The following GPR132 variants were observed in gnomAD, a reference collection of about 807,000 sequenced individuals.
GPR132 encodes G protein-coupled receptor 132, also known as probable G protein-coupled receptor 132.
Under a neutral mutation model 1.9 loss-of-function variants are expected in GPR132, and 4 were observed. The ratio of observed to expected loss-of-function variants is 2.13; its 90% confidence interval spans 1.05 to 4.87. The LOEUF is 4.87. Ranked by LOEUF, GPR132 falls within the 30% of genes most tolerant of loss-of-function variation. The pLI is 0.01. For missense variants in GPR132, 404 were observed against 512.5 expected (o/e 0.79, Z 2.04); for synonymous variants, 233 against 234.2 (o/e 0.99, Z 0.05).
Position 105,055,451 on chromosome 14 carries a change from C to T in GPR132, c.-31G>A, listed in dbSNP as rs780244973. ...TTCTTCTGCAACCATCGCCAGCATC[C>T]GTCGGCAGAACCTTCTCATCTTCCC... On this transcript the variant is annotated 5_prime_UTR_variant, in exon 3 of 4. Transcript: ENST00000329797. This position sits in a 1 kb window ranked among gnomAD's most constrained non-coding sequence, Gnocchi z 4.7. 3 of 780,048 alleles carry T rather than the reference C, an allele frequency of 3.8e-6. No individual in the cohort carries two copies. Among genetic ancestry groups the T allele is most frequent in the Non-Finnish European group, 7.2e-6 (3 of 417,340 alleles). The allele number at this position is 780,048 out of a possible 1,614,324, so 48.3% of individuals were successfully genotyped here. A position where few individuals can be genotyped will look rare whatever the true frequency, so the allele number is the denominator to read the frequency against.
rs1886916028 is a variant in GPR132, at chr14:105,060,630, C to G, written c.-860-3350G>C. Reference sequence around the variant, plus strand: ...CAGGAGTGAGCACATGGAGCCACTGCCTGAGGCCCCTGGGCCCCATCAGAA... The same window carrying G: ...CAGGAGTGAGCACATGGAGCCACTGGCTGAGGCCCCTGGGCCCCATCAGAA... On this transcript the variant is annotated intron_variant, in intron 1 of 3. Coordinates refer to ENST00000329797, the MANE Select transcript of GPR132 (RefSeq NM_013345.4). This position sits in a 1 kb window ranked among gnomAD's most constrained non-coding sequence, Gnocchi z 6.3. Among the ~76,000 whole-genome samples the G allele has an allele frequency of 6.6e-6, 1 of 152,234 alleles. No homozygotes were observed. Among genetic ancestry groups the G allele is most frequent in the Non-Finnish European group, 1.5e-5 (1 of 68,030 alleles).
intron 1 of GPR132, among the ~76,000 whole-genome samples, chr14:105,058,235 C>G (rs1024008658): frequency 6.6e-6 from 1 of 152,042 alleles, no homozygotes; most frequent in African/African-American, 2.4e-5. Context: ...ATGGTGCACA[C>G]GTGTAGTCCC....
intron 3 of GPR132, among the ~76,000 whole-genome samples, chr14:105,052,813 G>C (rs1355334635): frequency 6.6e-6 from 1 of 151,680 alleles, no homozygotes; most frequent in Non-Finnish European, 1.5e-5. Context: ...AAAACAAATA[G>C]TTGGGCGTGC....
chr14:105,053,952 G>A lies in GPR132; in HGVS notation c.34+1435C>T, dbSNP rs1171121010. ...ACCTGCCTCAAACACAGCTCTCCGA[G>A]GTCAGAAACTCATCCTTTCCAGCCA... On this transcript the variant is annotated intron_variant, in intron 3 of 3. Transcript: ENST00000329797. 6 of 1,198,542 alleles carry A rather than the reference G, an allele frequency of 5.0e-6. No homozygotes were observed. In the South Asian group the frequency reaches 7.3e-5, roughly 15 times the overall value. The allele number at this position is 1,198,542 out of a possible 1,614,324, so 74.2% of individuals were successfully genotyped here. A position where few individuals can be genotyped will look rare whatever the true frequency, so the allele number is the denominator to read the frequency against.
rs960479934 is a variant in GPR132 at position 105,055,625 on chromosome 14, G to T, written c.-205C>A. Reference sequence around the variant, plus strand: ...GCGTGTCTTCAGCGTGTGTCCTTCCGTGTCTCACGTGCTCCACTCACCACA... The same window carrying T: ...GCGTGTCTTCAGCGTGTGTCCTTCCTTGTCTCACGTGCTCCACTCACCACA... On this transcript the variant is annotated 5_prime_UTR_variant, in exon 3 of 4. Transcript: ENST00000329797. This position sits in a 1 kb window ranked among gnomAD's most constrained non-coding sequence, Gnocchi z 4.7. The T allele has an allele frequency of 1.6e-6, 1 of 610,938 alleles. No individual in the cohort carries two copies. Among genetic ancestry groups the T allele is most frequent in the African/African-American group, 1.9e-5 (1 of 54,052 alleles). 37.8% of individuals were successfully genotyped at this position (610,938 alleles called of 1,614,324 possible).
In GPR132 at chr14:105,060,017, T is replaced by A. The variant is rs1052939041; in HGVS notation, c.-860-2737A>T. The stretch of plus-strand genomic sequence containing the variant: ...GGTGGGTGGTGTGGGCCGGAGGGGT[T>A]CCTGGGCTACCCATTCTGCCACCAC... On this transcript the variant is annotated intron_variant, in intron 1 of 3. Transcript: ENST00000329797. The surrounding 1 kb of genome is among the most constrained non-coding windows in gnomAD (Gnocchi z 6.3). Among the ~76,000 whole-genome samples, 7 of 152,218 alleles carry A rather than the reference T, an allele frequency of 4.6e-5. No homozygotes were observed. Among genetic ancestry groups the A allele is most frequent in the Non-Finnish European group, 1.0e-4 (7 of 68,036 alleles).
In GPR132 at chr14:105,051,876, G is replaced by A. The variant is rs750063165; in HGVS notation, c.261C>T (p.Cys87=). Residue 87 remains cysteine, a synonymous_variant, in exon 4 of 4, where the codon TGC becomes TGT. Coordinates refer to ENST00000329797, the MANE Select transcript of GPR132 (RefSeq NM_013345.4). The surrounding 1 kb of genome is among the most constrained non-coding windows in gnomAD (Gnocchi z 8.0). The part of the protein sequence containing the change: ...LAVYLLCLAL[C]ELLYTGTLPL... ...GCAGCGTGCCTGTGTACAGCAGCTC[G>A]CAGAGTGCCAGGCAGAGCAGGTAGA... 7.4e-6 allele frequency: 12 copies of A among 1,613,630 alleles called. No individual in the cohort carries two copies. Among genetic ancestry groups the A allele is most frequent in the East Asian group, 6.7e-5 (3 of 44,902 alleles).
intron 1 of GPR132, among the ~76,000 whole-genome samples, chr14:105,061,208 G>A (rs1030822572): frequency 2.0e-5 from 3 of 152,260 alleles, no homozygotes; most frequent in Non-Finnish European, 2.9e-5. Flanking sequence ...TCCTCACCAC[G>A]CATGGCCAAC....
intron 3 of GPR132, 60 bp from the exon 4 acceptor site, chr14:105,052,162 T>G: frequency 1.5e-6 from 2 of 1,371,636 alleles, no homozygotes; most frequent in Non-Finnish European, 2.0e-6. Context: ...GGAGAGACTC[T>G]ACTGTGGGAA....
intron 3 of GPR132, chr14:105,054,233 C>T: frequency 1.7e-6 from 2 of 1,185,386 alleles, no homozygotes; most frequent in Non-Finnish European, 2.1e-6. Flanking sequence ...CAAACTTCAG[C>T]TGTGCCCTGG....
chr14:105,050,793 T>G lies in GPR132; in HGVS notation c.*201A>C. The G allele has an allele frequency of 1.7e-6, 1 of 593,786 alleles. No homozygotes were observed. The highest frequency in any genetic ancestry group is 3.0e-6 in the Non-Finnish European group (1 of 338,236). The allele number at this position is 593,786 out of a possible 1,614,324, so 36.8% of individuals were successfully genotyped here. On this transcript the variant is annotated 3_prime_UTR_variant, in exon 4 of 4. Transcript: ENST00000329797. This position sits in a 1 kb window ranked among gnomAD's most constrained non-coding sequence, Gnocchi z 4.0. Reference sequence around the variant, plus strand: ...GCTCCCGGAAGCCTGGAGGTGTCGCTCCTCCCCTTGGCATGCAGCCACCTT... The same window carrying G: ...GCTCCCGGAAGCCTGGAGGTGTCGCGCCTCCCCTTGGCATGCAGCCACCTT...
At position 105,051,463 on chromosome 14, in the gene GPR132, C is replaced by T; in HGVS notation, c.674G>A (p.Ser225Asn). ...IAFTNHRIFR[S>N]IKQSMGLSAA... The stretch of plus-strand genomic sequence containing the variant: ...GCTTAAGCCCATGCTCTGCTTGATG[C>T]TCCTGAAAATCCGGTGGTTGGTGAA... Residue 225 changes from serine (S) to asparagine (N), a missense_variant, in exon 4 of 4, where the codon AGC becomes AAC. Coordinates refer to ENST00000329797, the MANE Select transcript of GPR132 (RefSeq NM_013345.4). The surrounding 1 kb of genome is among the most constrained non-coding windows in gnomAD (Gnocchi z 8.0). 1 of 1,614,052 alleles carries T rather than the reference C, an allele frequency of 6.2e-7. No homozygotes were observed. Among genetic ancestry groups the T allele is most frequent in the Non-Finnish European group, 8.5e-7 (1 of 1,180,022 alleles).
rs1313105331 is a variant in GPR132 at position 105,056,855 on chromosome 14, AT to A, written c.-747+311del. On this transcript the variant is annotated intron_variant, in intron 2 of 3. Coordinates refer to ENST00000329797, the MANE Select transcript of GPR132 (RefSeq NM_013345.4). This position sits in a 1 kb window ranked among gnomAD's most constrained non-coding sequence, Gnocchi z 6.0. The stretch of plus-strand genomic sequence containing the variant: ...GCGGGGGGCTGGTGGTCAGCTCCTC[AT>A]GGCCCAGACCGTGCAGGGCTCCCCT... Among the ~76,000 whole-genome samples the A allele has an allele frequency of 1.3e-5, 2 of 152,216 alleles. No homozygotes were observed. Among genetic ancestry groups the A allele is most frequent in the African/African-American group, 4.8e-5 (2 of 41,462 alleles).
Position 105,059,643 on chromosome 14 carries a change from G to C in GPR132, c.-860-2363C>G, listed in dbSNP as rs918401164. Among the ~76,000 whole-genome samples, 2 of 151,976 alleles carry C rather than the reference G, an allele frequency of 1.3e-5. No homozygotes were observed. The highest frequency in any genetic ancestry group is 2.9e-5 in the Non-Finnish European group (2 of 67,978). On this transcript the variant is annotated intron_variant, in intron 1 of 3. Coordinates refer to ENST00000329797, the MANE Select transcript of GPR132 (RefSeq NM_013345.4). The surrounding 1 kb of genome is among the most constrained non-coding windows in gnomAD (Gnocchi z 4.2). Reference sequence around the variant, plus strand: ...TCGAGTTGTCCCCACCTTTCTGGACGGAACCAATGTACGTCTCACATATAT... The same window carrying C: ...TCGAGTTGTCCCCACCTTTCTGGACCGAACCAATGTACGTCTCACATATAT...
At chr14:105,057,511 C>CTTTTTTTTTTTT (rs11299805) in intron 1 of GPR132, 4 of 88,530 alleles carry the variant, frequency 4.5e-5, no homozygotes, top group Non-Finnish European at 4.4e-5. Context: ...ACATACGATT[C>CTTTTTTTTTTTT]TTTTTTTTTT....
At position 105,054,133 on chromosome 14, in the gene GPR132, G is replaced by C. The variant is rs928980215; in HGVS notation, c.34+1254C>G. 1.9e-5 allele frequency: 25 copies of C among 1,287,050 alleles called. No homozygotes were observed. The Admixed American group carries it at 5.6e-4, about 29-fold the overall frequency. 79.7% of individuals were successfully genotyped at this position (1,287,050 alleles called of 1,614,324 possible). ...ATCATGGAGTCCCACCTCCAGGTCA[G>C]CAGGAAGCCGCAGACAGACCTGGCC... On this transcript the variant is annotated intron_variant, in intron 3 of 3. Coordinates refer to ENST00000329797, the MANE Select transcript of GPR132 (RefSeq NM_013345.4).
intron 1 of GPR132, among the ~76,000 whole-genome samples, chr14:105,062,506 C>CCTTTTCTTT (rs796328223): frequency 6.0e-5 from 9 of 151,118 alleles, no homozygotes; most frequent in Admixed American, 2.6e-4. Context: ...GCCTTTTTTG[C>CCTTTTCTTT]CTTTTCTTTC....
At chr14:105,064,568 A>T (rs1447750755) in intron 1 of GPR132, among the ~76,000 whole-genome samples, 1 of 152,074 alleles carries the variant, frequency 6.6e-6, no homozygotes, top group Non-Finnish European at 1.5e-5. Flanking sequence ...TCCTGACCTC[A>T]AGTGATCCGC....
chr14:105,052,126 G>A (rs771454760), intron 3 of GPR132, 24 bp from the exon 4 acceptor site: 4 of 1,522,410 alleles, frequency 2.6e-6, no homozygotes, highest in Non-Finnish European at 3.5e-6. Context: ...ACAAGAGTGA[G>A]GACGGGAGTC....
Sources: gnomAD v4.1 joint callset for allele counts (sites outside exome capture counted in the v4.1 genomes callset) on GRCh38, gnomAD v4.1.1 for gene constraint, Gnocchi (gnomAD v3.1) non-coding constraint, MANE v1.5 for transcripts, NCBI Gene and HGNC (gene_info 2026-07-23, HGNC 2026-07-21) for gene names.